Variants in KREMEN1 observed in about 807,000 individuals in gnomAD.
KREMEN1 encodes kringle containing transmembrane protein 1.
In KREMEN1, 30 loss-of-function variants were observed where a neutral mutation model predicts 46.5. The observed-to-expected ratio is 0.65, with a 90% CI of 0.48 to 0.88. The LOEUF (loss-of-function observed/expected upper bound fraction) is 0.88, where lower values mean the gene tolerates loss of function less well. KREMEN1 is among the 40% of genes least tolerant of loss of function. KREMEN1 has a pLI of 0.00. For missense variants in KREMEN1, 533 were observed against 596.9 expected, an observed-to-expected ratio of 0.89 and a Z score of 1.11; for synonymous variants, 214 against 230.6, an observed-to-expected ratio of 0.93 and a Z score of 0.65.
Position 29,116,185 on chromosome 22 carries a change from A to T in KREMEN1, c.353-5172A>T, listed in dbSNP as rs551656168. On this transcript the variant is annotated intron_variant, in intron 3 of 8. Transcript: ENST00000400335. Reference sequence around the variant, plus strand: ...CTGTCTGGAATGTACTGCAAAGATTATTCTGGTTGCAGTTTGCTAACTAGA... The same window carrying T: ...CTGTCTGGAATGTACTGCAAAGATTTTTCTGGTTGCAGTTTGCTAACTAGA... Among the ~76,000 whole-genome samples, 13 of 152,204 alleles carry T rather than the reference A, an allele frequency of 8.5e-5. No individual in the cohort carries two copies. The South Asian group carries it at 2.5e-3, about 29-fold the overall frequency.
chr22:29,080,066 TAAA>T (rs1233657968), intron 1 of KREMEN1, among the ~76,000 whole-genome samples: 2 of 152,226 alleles, frequency 1.3e-5, no homozygotes, highest in Non-Finnish European at 2.9e-5. Flanking sequence ...TCTACAATAA[TAAA>T]ATCCCTATTC....
chr22:29,131,605 T>G (rs1465658732), intron 5 of KREMEN1, among the ~76,000 whole-genome samples: 3 of 137,342 alleles, frequency 2.2e-5, no homozygotes, highest in Non-Finnish European at 4.5e-5. Flanking sequence ...TATATGTATA[T>G]ATGTGTGTAT....
Position 29,146,011 on chromosome 22 carries a change from C to T in KREMEN1, c.*3899C>T. ...CCCCGATGCATCCTGGCACTGCACG[C>T]TTACTCTTCACAAGCACTTATACGC... On this transcript the variant is annotated 3_prime_UTR_variant, in exon 9 of 9. Coordinates refer to ENST00000400335, the MANE Select transcript of KREMEN1 (RefSeq NM_001039570.3). 1.0e-6 allele frequency: 1 copy of T among 985,514 alleles called. No homozygotes were observed. Among genetic ancestry groups the T allele is most frequent in the Non-Finnish European group, 1.2e-6 (1 of 829,578 alleles). The allele number at this position is 985,514 out of a possible 1,614,324, so 61.0% of individuals were successfully genotyped here. A position where few individuals can be genotyped will look rare whatever the true frequency, so the allele number is the denominator to read the frequency against.
At chr22:29,124,478 G>A (rs2038408569) in intron 4 of KREMEN1, among the ~76,000 whole-genome samples, 1 of 151,828 alleles carries the variant, frequency 6.6e-6, no homozygotes, top group Non-Finnish European at 1.5e-5. Flanking sequence ...GATTGTACTG[G>A]TGGTTGCACA....
Position 29,142,606 on chromosome 22 carries a change from G to A in KREMEN1, c.*494G>A. The A allele has an allele frequency of 1.0e-6, 1 of 985,674 alleles. No homozygotes were observed. The highest frequency in any genetic ancestry group is 1.7e-5 in the African/African-American group (1 of 57,380). The allele number at this position is 985,674 out of a possible 1,614,324, so 61.1% of individuals were successfully genotyped here. A position where few individuals can be genotyped will look rare whatever the true frequency, so the allele number is the denominator to read the frequency against. Reference sequence around the variant, plus strand: ...AACTCTCAGGTACTCTTGGGAGTTGGTCCCATACAAGTGCGGACTCCTGGA... The same window carrying A: ...AACTCTCAGGTACTCTTGGGAGTTGATCCCATACAAGTGCGGACTCCTGGA... On this transcript the variant is annotated 3_prime_UTR_variant, in exon 9 of 9. Coordinates refer to ENST00000400335, the MANE Select transcript of KREMEN1 (RefSeq NM_001039570.3).
chr22:29,097,767 C>G (rs1428474689), intron 2 of KREMEN1, among the ~76,000 whole-genome samples: 5 of 151,978 alleles, frequency 3.3e-5, no homozygotes, highest in South Asian at 2.1e-4. Flanking sequence ...CTGAAATCAC[C>G]AGTAGTTCCA....
chr22:29,110,889 A>G (rs1243125123), intron 3 of KREMEN1, among the ~76,000 whole-genome samples: 1 of 152,110 alleles, frequency 6.6e-6, no homozygotes, highest in African/African-American at 2.4e-5. Flanking sequence ...TCCACACTTA[A>G]CCTGTTGATG....
In KREMEN1 at chr22:29,094,572, TACACACACACACAC is replaced by T. The variant is rs134658; in HGVS notation, c.260+182_260+195del. ...TTTTAAAAATATTTCTTTCACACCT[TACACACACACACAC>T]ACACACACACACACACACACACACA... On this transcript the variant is annotated intron_variant, in intron 2 of 8. Coordinates refer to ENST00000400335, the MANE Select transcript of KREMEN1 (RefSeq NM_001039570.3). 1,016 of 255,730 alleles carry T rather than the reference TACACACACACACAC, an allele frequency of 4.0e-3. 14 individuals carry two copies. The highest frequency in any genetic ancestry group is 0.022 in the African/African-American group (794 of 36,700). The allele number at this position is 255,730 out of a possible 1,614,324, so 15.8% of individuals were successfully genotyped here.
At chr22:29,102,369 A>T (rs914053976) in intron 3 of KREMEN1, among the ~76,000 whole-genome samples, 1 of 152,230 alleles carries the variant, frequency 6.6e-6, no homozygotes, top group Admixed American at 6.5e-5. Context: ...GCTTTTGCTC[A>T]GTCTGCTTAA....
chr22:29,159,704 A>T (rs372694104), intron 9 of KREMEN1, among the ~76,000 whole-genome samples: 78 of 152,366 alleles, frequency 5.1e-4, no homozygotes, highest in Middle Eastern at 3.4e-3. Flanking sequence ...AAGGAGCAAG[A>T]CTGGTCAGAA....
intron 3 of KREMEN1, among the ~76,000 whole-genome samples, chr22:29,116,772 C>A (rs1043646527): frequency 1.3e-5 from 2 of 152,158 alleles, no homozygotes; most frequent in African/African-American, 4.8e-5. Context: ...CAGGTTTCCA[C>A]GCACAAGGTC....
chr22:29,126,965 C>G (rs1310426048), intron 5 of KREMEN1, among the ~76,000 whole-genome samples: 2 of 152,182 alleles, frequency 1.3e-5, no homozygotes, highest in Non-Finnish European at 2.9e-5. Context: ...CAAATAACTA[C>G]CCACTGCACA....
At chr22:29,100,377 G>C (rs556334017) in intron 3 of KREMEN1, among the ~76,000 whole-genome samples, 72 of 152,276 alleles carry the variant, frequency 4.7e-4, no homozygotes, top group African/African-American at 1.7e-3. Flanking sequence ...GCCTCCCAAA[G>C]TGCTGGGATT....
chr22:29,101,828 CACA>C (rs1420216605), intron 3 of KREMEN1, among the ~76,000 whole-genome samples: 1 of 152,130 alleles, frequency 6.6e-6, no homozygotes, highest in Non-Finnish European at 1.5e-5. Context: ...ATGATGGTCA[CACA>C]ACAACAAAAT....
At chr22:29,122,114 A>T (rs1171298647) in intron 4 of KREMEN1, among the ~76,000 whole-genome samples, 1 of 152,242 alleles carries the variant, frequency 6.6e-6, no homozygotes, top group East Asian at 1.9e-4. Flanking sequence ...CTTACAGCTC[A>T]ACAATATGAC....
At chr22:29,088,155 A>T (rs966890706) in intron 1 of KREMEN1, among the ~76,000 whole-genome samples, 1 of 152,174 alleles carries the variant, frequency 6.6e-6, no homozygotes, top group Admixed American at 6.5e-5. Flanking sequence ...TCAACACAGG[A>T]TTCAAACCAT....
intron 1 of KREMEN1, among the ~76,000 whole-genome samples, chr22:29,087,015 AG>A (rs2145748763): frequency 6.6e-6 from 1 of 152,240 alleles, no homozygotes; most frequent in East Asian, 1.9e-4. Flanking sequence ...CTCTTGTCTT[AG>A]CCTCCCAAAG....
In KREMEN1 at chr22:29,126,449, G is replaced by T. The variant is rs1445614360; in HGVS notation, c.631+1033G>T. Among the ~76,000 whole-genome samples, 4 of 152,292 alleles carry T rather than the reference G, an allele frequency of 2.6e-5. No individual in the cohort carries two copies. In the East Asian group the frequency reaches 7.7e-4, roughly 29 times the overall value. ...CGGCGATCCTTGGCATTTGTTGGCT[G>T]CACCACTCCAGTCTCTGCCTTCTCT... On this transcript the variant is annotated intron_variant, in intron 5 of 8. Transcript: ENST00000400335.
At chr22:29,106,966 G>A (rs1435024861) in intron 3 of KREMEN1, among the ~76,000 whole-genome samples, 1 of 152,122 alleles carries the variant, frequency 6.6e-6, no homozygotes, top group Admixed American at 6.5e-5. Flanking sequence ...AGTAAAGCAG[G>A]CTGAGATGGG....
Sources: allele counts gnomAD v4.1 joint callset (sites outside exome capture counted in the v4.1 genomes callset), GRCh38; gene constraint gnomAD v4.1.1; transcripts MANE v1.5; gene names NCBI Gene and HGNC (gene_info 2026-07-23, HGNC 2026-07-21).